Variants in SHANK2 observed in about 807,000 individuals in gnomAD.
SHANK2 encodes SH3 and multiple ankyrin repeat domains 2.
Under a neutral mutation model 133.7 loss-of-function variants are expected in SHANK2, and 43 were observed. The ratio of observed to expected loss-of-function variants is 0.32; its 90% CI spans 0.25 to 0.41. The LOEUF is 0.41. Ranked by LOEUF, SHANK2 falls within the 10% of genes least tolerant of loss-of-function variation. SHANK2 has a pLI of 1.00. For synonymous variants in SHANK2, 1,017 were observed against 952.8 expected, an observed-to-expected ratio of 1.07 and a Z score of -1.24; for missense variants, 1,994 against 2,235.8, an observed-to-expected ratio of 0.89 and a Z score of 2.18.
intron 21 of SHANK2, among the ~76,000 whole-genome samples, chr11:70,499,276 C>T (rs552295304): frequency 6.6e-6 from 1 of 152,390 alleles, no homozygotes; most frequent in South Asian, 2.1e-4. Context: ...CCTTTGGGGT[C>T]TTCCTGCCCA....
chr11:70,886,842 T>C (rs922858179), intron 11 of SHANK2, among the ~76,000 whole-genome samples: 12 of 152,090 alleles, frequency 7.9e-5, no homozygotes, highest in African/African-American at 2.9e-4. Context: ...AGTATCCAAG[T>C]ATTCCTTCGT....
chr11:70,924,158 C>T (rs538192004), intron 10 of SHANK2, among the ~76,000 whole-genome samples: 1 of 152,280 alleles, frequency 6.6e-6, no homozygotes, highest in East Asian at 1.9e-4. Context: ...ATCCCTCCTG[C>T]CACACTCCCC....
intron 17 of SHANK2, among the ~76,000 whole-genome samples, chr11:70,638,783 G>A (rs2061139456): frequency 6.6e-6 from 1 of 152,120 alleles, no homozygotes; most frequent in South Asian, 2.1e-4. Context: ...GAGGCGGGTG[G>A]ATCAGGAGTT....
At chr11:70,545,214 G>C (rs536165075) in intron 17 of SHANK2, among the ~76,000 whole-genome samples, 1 of 152,362 alleles carries the variant, frequency 6.6e-6, no homozygotes, top group South Asian at 2.1e-4. Flanking sequence ...CGCTGTCTGA[G>C]CTCCTAATCC....
intron 14 of SHANK2, among the ~76,000 whole-genome samples, chr11:70,702,368 C>T (rs1473159873): frequency 6.6e-6 from 1 of 151,422 alleles, no homozygotes; most frequent in East Asian, 1.9e-4. Context: ...TCACCATCAT[C>T]ACCACCAACA....
At chr11:71,171,220 G>A (rs1446132786) in intron 2 of SHANK2, among the ~76,000 whole-genome samples, 2 of 152,176 alleles carry the variant, frequency 1.3e-5, no homozygotes, top group African/African-American at 4.8e-5. Flanking sequence ...CTTGTCAGGG[G>A]GCTGACAGAG....
intron 12 of SHANK2, among the ~76,000 whole-genome samples, chr11:70,819,282 G>A (rs187755854): frequency 6.6e-5 from 10 of 152,222 alleles, no homozygotes; most frequent in Admixed American, 5.2e-4. Flanking sequence ...GTGTGACCTC[G>A]GGCTCCTCAT....
At chr11:70,686,143 C>T (rs1354922253) in intron 15 of SHANK2, among the ~76,000 whole-genome samples, 1 of 150,694 alleles carries the variant, frequency 6.6e-6, no homozygotes, top group Non-Finnish European at 1.5e-5. Flanking sequence ...CCCATCCACA[C>T]ACCCATCCAG....
At chr11:70,836,594 C>G (rs538308283) in intron 11 of SHANK2, among the ~76,000 whole-genome samples, 1 of 152,304 alleles carries the variant, frequency 6.6e-6, no homozygotes, top group East Asian at 1.9e-4. Flanking sequence ...CCTCTGCTCA[C>G]TGTTCATAGG....
At chr11:70,687,781 G>C (rs782059588) in intron 15 of SHANK2, among the ~76,000 whole-genome samples, 10 of 152,210 alleles carry the variant, frequency 6.6e-5, no homozygotes, top group Non-Finnish European at 1.5e-4. Flanking sequence ...GCCCCATCCA[G>C]GTGGGGAGCA....
chr11:71,176,480 A>C (rs1286959949), intron 2 of SHANK2, among the ~76,000 whole-genome samples: 2 of 152,266 alleles, frequency 1.3e-5, no homozygotes, highest in Admixed American at 1.3e-4. Flanking sequence ...AATCATATTA[A>C]CTGTATTCTG....
chr11:70,501,379 CAGCCA>C (rs1555158435), intron 20 of SHANK2, among the ~76,000 whole-genome samples: 1 of 152,238 alleles, frequency 6.6e-6, no homozygotes, highest in Non-Finnish European at 1.5e-5. Flanking sequence ...GTGAGAGCAC[CAGCCA>C]GGGCTTGGCT....
chr11:70,491,411 C>T (rs912755245), intron 22 of SHANK2, among the ~76,000 whole-genome samples: 8 of 152,138 alleles, frequency 5.3e-5, no homozygotes, highest in African/African-American at 7.2e-5. Context: ...AGGCAAGGAC[C>T]GGCAGGCAGG....
chr11:71,187,428 A>G (rs1953696623), intron 2 of SHANK2, among the ~76,000 whole-genome samples: 1 of 151,942 alleles, frequency 6.6e-6, no homozygotes, highest in Admixed American at 6.6e-5. Context: ...ATTCAGGGAC[A>G]GTTCTTCATG....
At chr11:70,926,544 G>A (rs1255070216) in intron 10 of SHANK2, among the ~76,000 whole-genome samples, 2 of 152,142 alleles carry the variant, frequency 1.3e-5, no homozygotes, top group East Asian at 1.9e-4. Flanking sequence ...CAGCCTTCTC[G>A]CACTTGGGAA....
chr11:70,719,211 T>C (rs571959059), intron 14 of SHANK2, among the ~76,000 whole-genome samples: 1 of 152,260 alleles, frequency 6.6e-6, no homozygotes, highest in South Asian at 2.1e-4. Context: ...CACGTTGGAA[T>C]AGACACTTTG....
At chr11:71,125,924 A>T (rs1189993569) in intron 3 of SHANK2, among the ~76,000 whole-genome samples, 2 of 152,136 alleles carry the variant, frequency 1.3e-5, no homozygotes, top group Admixed American at 1.3e-4. Flanking sequence ...CTTAAGAATG[A>T]TGCTAAATCA....
chr11:70,794,900 G>A (rs1947875229), intron 14 of SHANK2, among the ~76,000 whole-genome samples: 1 of 152,080 alleles, frequency 6.6e-6, no homozygotes, highest in South Asian at 2.1e-4. Context: ...GGAGACGTGG[G>A]TATATACATT....
intron 17 of SHANK2, among the ~76,000 whole-genome samples, chr11:70,619,327 C>T (rs376360692): frequency 2.0e-5 from 3 of 152,172 alleles, no homozygotes; most frequent in African/African-American, 7.2e-5. Context: ...AAGCTCTCAG[C>T]GAGGGTCCTT....
Sources: allele counts gnomAD v4.1 joint callset (sites outside exome capture counted in the v4.1 genomes callset), GRCh38; gene constraint gnomAD v4.1.1; transcripts MANE v1.5; gene names NCBI Gene and HGNC (gene_info 2026-07-23, HGNC 2026-07-21).